OSTM1: variants seen among roughly 807,000 people sequenced by gnomAD.
OSTM1 encodes the protein osteopetrosis-associated transmembrane protein 1.
OSTM1 carries 26 observed loss-of-function variants against 35.4 expected under a neutral mutation model. The observed-to-expected ratio is 0.73, with a 90% CI of 0.54 to 1.02. The LOEUF is 1.02. Among genes scored for constraint, OSTM1 ranks in the 50% least tolerant of loss-of-function variants. OSTM1 has a pLI of 0.00. For synonymous variants in OSTM1, 181 were observed against 165.0 expected (o/e 1.10, Z -0.75); for missense variants, 366 against 409.6 (o/e 0.89, Z 0.92).
intron 2 of OSTM1, among the ~76,000 whole-genome samples, chr6:108,055,596 T>C (rs963864401): frequency 5.9e-5 from 9 of 152,250 alleles, no homozygotes; most frequent in Non-Finnish European, 1.2e-4. Flanking sequence ...TCTTGGAACT[T>C]GTGGTCAGTC....
Position 108,044,691 on chromosome 6 carries a change from G to A in OSTM1, c.*94C>T. On this transcript the variant is annotated 3_prime_UTR_variant, in exon 6 of 6. Transcript: ENST00000193322. ...AAGTCCTTGTATTTCTTAAGAGCTT[G>A]ACTTGTCAAATCACAGTTTATCTTC... is the stretch of plus-strand genomic sequence containing the variant. The A allele has an allele frequency of 1.4e-6, 1 of 739,770 alleles. No homozygotes were observed. The highest frequency in any genetic ancestry group is 1.8e-5 in the South Asian group (1 of 56,988). The allele number at this position is 739,770 out of a possible 1,614,324, so 45.8% of individuals were successfully genotyped here.
Position 108,074,594 on chromosome 6 carries a change from G to T in OSTM1, c.58C>A (p.Leu20Met). Residue 20 changes from leucine (L) to methionine (M), a missense_variant, in exon 1 of 6, where the codon CTG (leucine) becomes ATG (methionine). Leu to Met is a conservative substitution (Grantham distance 15). Coordinates refer to ENST00000193322, the MANE Select transcript of OSTM1 (RefSeq NM_014028.4). ...AGCCCCGACCACAGCAGCAGCCCCA[G>T]CGGCAGCCACGGCGGCAACGAACAC... ...RRCSLPPWLP[L>M]GLLLWSGLAL... The T allele has an allele frequency of 1.3e-6, 2 of 1,565,694 alleles. No individual in the cohort carries two copies. The highest frequency in any genetic ancestry group is 8.6e-7 in the Non-Finnish European group (1 of 1,160,536).
chr6:108,051,210 A>T lies in OSTM1; in HGVS notation c.616-12T>A. The T allele has an allele frequency of 6.3e-7, 1 of 1,591,772 alleles. No individual in the cohort carries two copies. Among genetic ancestry groups the T allele is most frequent in the Non-Finnish European group, 8.6e-7 (1 of 1,160,184 alleles). On this transcript the variant is annotated splice_polypyrimidine_tract_variant and intron_variant, in intron 3 of 5. Coordinates refer to ENST00000193322, the MANE Select transcript of OSTM1 (RefSeq NM_014028.4). ...CTATGTGCATTCCCCTAAAATGACA[A>T]AGGCACATGTAATATATACAATAAA...
At chr6:108,071,398 C>T (rs749818969) in intron 1 of OSTM1, among the ~76,000 whole-genome samples, 19 of 150,962 alleles carry the variant, frequency 1.3e-4, no homozygotes, top group Non-Finnish European at 2.1e-4. Context: ...CTCCACCTCC[C>T]GGGTTCAAGC....
chr6:108,055,112 C>T (rs768665463), intron 2 of OSTM1, among the ~76,000 whole-genome samples: 2 of 152,082 alleles, frequency 1.3e-5, no homozygotes, highest in Non-Finnish European at 2.9e-5. Context: ...AGAATTTTGC[C>T]TAAAATACTG....
chr6:108,073,184 C>T (rs1772516449), intron 1 of OSTM1, among the ~76,000 whole-genome samples: 1 of 152,174 alleles, frequency 6.6e-6, no homozygotes, highest in Non-Finnish European at 1.5e-5. Context: ...TTTAGTGCAA[C>T]TATAAACAAG....
chr6:108,049,582 A>AG, intron 4 of OSTM1, 164 bp from the exon 5 acceptor site: 1 of 1,432,120 alleles, frequency 7.0e-7, no homozygotes, highest in Middle Eastern at 2.6e-4. Flanking sequence ...CAGGAAAAAA[A>AG]CCTGGTTCAA....
intron 5 of OSTM1, among the ~76,000 whole-genome samples, chr6:108,047,356 A>G (rs1285224658): frequency 6.6e-6 from 1 of 152,204 alleles, no homozygotes. Flanking sequence ...CAGCACCATG[A>G]GCAATGAGGA....
intron 5 of OSTM1, among the ~76,000 whole-genome samples, chr6:108,047,847 A>G (rs777517384): frequency 7.2e-5 from 11 of 152,384 alleles, no homozygotes; most frequent in Non-Finnish European, 1.5e-4. Context: ...AAAAATCCTG[A>G]TCAGAAGCAG....
chr6:108,072,157 T>C (rs1360608903), intron 1 of OSTM1, among the ~76,000 whole-genome samples: 5 of 152,186 alleles, frequency 3.3e-5, no homozygotes, highest in Admixed American at 3.3e-4. Flanking sequence ...AATGGAACCC[T>C]AAAACAACTC....
At chr6:108,052,511 C>CT (rs35984071) in intron 3 of OSTM1, among the ~76,000 whole-genome samples, 4,888 of 108,002 alleles carry the variant, frequency 0.045, 201 homozygotes, top group African/African-American at 0.081. Flanking sequence ...GTAATTTAAC[C>CT]TTTTTTTTTT....
intron 2 of OSTM1, 89 bp downstream of exon 2, chr6:108,064,096 C>T (rs1772336618): frequency 2.6e-6 from 2 of 763,600 alleles, no homozygotes; most frequent in Non-Finnish European, 4.7e-6. Flanking sequence ...TATTATCCAG[C>T]TTCAAAGATC....
chr6:108,055,413 C>T (rs554751292), intron 2 of OSTM1, among the ~76,000 whole-genome samples: 6 of 152,050 alleles, frequency 3.9e-5, no homozygotes, highest in East Asian at 1.9e-4. Context: ...AACTCCTGGG[C>T]GCAAGTGATG....
intron 1 of OSTM1, among the ~76,000 whole-genome samples, chr6:108,073,996 G>A (rs1251107245): frequency 6.6e-6 from 1 of 152,036 alleles, no homozygotes; most frequent in East Asian, 1.9e-4. Flanking sequence ...GAGGGTTGGG[G>A]AATCAGGACC....
chr6:108,057,799 C>G lies in OSTM1; in HGVS notation c.518-3212G>C, dbSNP rs1562372931. Among the ~76,000 whole-genome samples the G allele has an allele frequency of 2.0e-5, 3 of 152,068 alleles. No individual in the cohort carries two copies. In the South Asian group the frequency reaches 6.2e-4, roughly 32 times the overall value. On this transcript the variant is annotated intron_variant, in intron 2 of 5. Coordinates refer to ENST00000193322, the MANE Select transcript of OSTM1 (RefSeq NM_014028.4). ...CTTTCTGAATCGAAATAACAGATCT[C>G]TAGTAAATTCCTTTTTTATCTTTTT...
intron 1 of OSTM1, among the ~76,000 whole-genome samples, chr6:108,065,120 A>G (rs2072944471): frequency 6.6e-6 from 1 of 152,080 alleles, no homozygotes; most frequent in Non-Finnish European, 1.5e-5. Flanking sequence ...CGGCCTCCCA[A>G]AGTGCTGGGA....
intron 1 of OSTM1, among the ~76,000 whole-genome samples, chr6:108,069,637 C>A (rs1193013149): frequency 6.6e-6 from 1 of 152,152 alleles, no homozygotes; most frequent in Non-Finnish European, 1.5e-5. Flanking sequence ...AATGCTGAAT[C>A]ACAATGAAAC....
chr6:108,067,265 C>A (rs1772396445), intron 1 of OSTM1, among the ~76,000 whole-genome samples: 1 of 152,160 alleles, frequency 6.6e-6, no homozygotes, highest in Non-Finnish European at 1.5e-5. Context: ...CTGCCTACCC[C>A]TACATGCAAC....
chr6:108,074,579 A>T lies in OSTM1; in HGVS notation c.73T>A (p.Trp25Arg). 1 of 1,565,816 alleles carries T rather than the reference A, an allele frequency of 6.4e-7. No homozygotes were observed. The highest frequency in any genetic ancestry group is 8.6e-7 in the Non-Finnish European group (1 of 1,159,654). ...AGCGCGCCCAGGGCCAGCCCCGACCACAGCAGCAGCCCCAGCGGCAGCCAC... is the reference window on the plus strand; with the variant it reads ...AGCGCGCCCAGGGCCAGCCCCGACCTCAGCAGCAGCCCCAGCGGCAGCCAC... ...PPWLPLGLLL[W>R]SGLALGALPF... The change falls in exon 1 of 6, where the codon TGG becomes AGG. Residue 25 changes from tryptophan to arginine, a missense_variant. Around this residue, in one of 3 missense-constraint regions of OSTM1, gnomAD observed 236 missense variants for 239.3 expected, o/e 0.99. Transcript: ENST00000193322.
Sources: gnomAD v4.1 joint callset for allele counts (sites outside exome capture counted in the v4.1 genomes callset) on GRCh38, gnomAD v4.1.1 for gene constraint, gnomAD v4.1.1 regional missense constraint, MANE v1.5 for transcripts, NCBI Gene and HGNC (gene_info 2026-07-23, HGNC 2026-07-21) for gene names.